The following SLC16A10 variants were observed in gnomAD, a reference collection of about 807,000 sequenced individuals.
The protein encoded by SLC16A10 is solute carrier family 16 member 10.
Under a neutral mutation model 40.0 loss-of-function variants are expected in SLC16A10, and 27 were observed. The observed-to-expected ratio is 0.67, with a 90% CI of 0.50 to 0.93. The LOEUF (loss-of-function observed/expected upper bound fraction) is 0.93, where lower values mean the gene tolerates loss of function less well. SLC16A10 is among the 40% of genes least tolerant of loss of function. SLC16A10 has a pLI of 0.00. For missense variants in SLC16A10, 529 were observed against 658.2 expected, an observed-to-expected ratio of 0.80 and a Z score of 2.15; for synonymous variants, 213 against 249.8, an observed-to-expected ratio of 0.85 and a Z score of 1.39.
chr6:111,115,530 A>G (rs758488736), intron 1 of SLC16A10, among the ~76,000 whole-genome samples: 5 of 152,178 alleles, frequency 3.3e-5, no homozygotes, highest in Non-Finnish European at 5.9e-5. Context: ...TTTAATGGTA[A>G]AGATGTCATG....
At chr6:111,209,293 C>G (rs1773305667) in intron 4 of SLC16A10, among the ~76,000 whole-genome samples, 1 of 152,026 alleles carries the variant, frequency 6.6e-6, no homozygotes, top group Non-Finnish European at 1.5e-5. Context: ...AGAACCAAGG[C>G]AGAGATACTG....
At chr6:111,110,433 G>A (rs1360091212) in intron 1 of SLC16A10, among the ~76,000 whole-genome samples, 1 of 151,612 alleles carries the variant, frequency 6.6e-6, no homozygotes, top group Non-Finnish European at 1.5e-5. Flanking sequence ...AGTTACTAAA[G>A]GTCTAATTGA....
At chr6:111,118,219 GC>G (rs1294215537) in intron 1 of SLC16A10, among the ~76,000 whole-genome samples, 2 of 152,118 alleles carry the variant, frequency 1.3e-5, no homozygotes, top group Non-Finnish European at 2.9e-5. Flanking sequence ...GCCTCATAGG[GC>G]TTCTTGTTGA....
chr6:111,103,545 A>G (rs1771227642), intron 1 of SLC16A10, among the ~76,000 whole-genome samples: 1 of 152,178 alleles, frequency 6.6e-6, no homozygotes, highest in Non-Finnish European at 1.5e-5. Context: ...AGCACAAAAT[A>G]TGTACTGAGA....
intron 3 of SLC16A10, among the ~76,000 whole-genome samples, chr6:111,199,426 T>TGCA (rs1271571366): frequency 1.3e-5 from 2 of 149,396 alleles, no homozygotes; most frequent in Non-Finnish European, 3.0e-5. Context: ...ACCATTGCAT[T>TGCA]CCAGCCTGGG....
rs1771106655 is a variant in SLC16A10, at chr6:111,230,970, A to G, written c.*8735A>G. The G allele has an allele frequency of 6.6e-6, 1 of 152,184 alleles. No homozygotes were observed. The highest frequency in any genetic ancestry group is 2.4e-5 in the African/African-American group (1 of 41,440). 9.4% of individuals were successfully genotyped at this position (152,184 alleles called of 1,614,324 possible). A position where few individuals can be genotyped will look rare whatever the true frequency, so the allele number is the denominator to read the frequency against. ...ATGTAGATCACTATGCTGAATGCTC[A>G]TGCTGGATTTGACCAGTATGCAGTA... On this transcript the variant is annotated 3_prime_UTR_variant, in exon 6 of 6. Coordinates refer to ENST00000368851, the MANE Select transcript of SLC16A10 (RefSeq NM_018593.5).
chr6:111,087,812 C>G lies in SLC16A10; in HGVS notation c.60C>G (p.Leu20=). The change falls in exon 1 of 6, where the codon CTC becomes CTG. Residue 20 remains leucine, a synonymous_variant. Transcript: ENST00000368851. Reference sequence around the variant, plus strand: ...GGGGCACGAGCGAGGCGCAGCCGCTCGGCCCCGCGCCCACGGGGGCCGCTC... The same window carrying G: ...GGGGCACGAGCGAGGCGCAGCCGCTGGGCCCCGCGCCCACGGGGGCCGCTC... ...SARGTSEAQP[L]GPAPTGAAPP... is the part of the protein sequence containing the mutation. 1 of 1,293,168 alleles carries G rather than the reference C, an allele frequency of 7.7e-7. No homozygotes were observed. Among genetic ancestry groups the G allele is most frequent in the Non-Finnish European group, 9.7e-7 (1 of 1,026,292 alleles). The allele number at this position is 1,293,168 out of a possible 1,614,324, so 80.1% of individuals were successfully genotyped here.
intron 3 of SLC16A10, among the ~76,000 whole-genome samples, chr6:111,206,184 C>A (rs1181505209): frequency 6.7e-6 from 1 of 148,876 alleles, no homozygotes; most frequent in Non-Finnish European, 1.5e-5. Flanking sequence ...TCAAGCTATT[C>A]TCCTGCCTCA....
intron 1 of SLC16A10, among the ~76,000 whole-genome samples, chr6:111,102,786 A>G (rs1771211892): frequency 6.6e-6 from 1 of 152,210 alleles, no homozygotes; most frequent in Admixed American, 6.5e-5. Context: ...GAGTAGCCAT[A>G]TCTTAATCTC....
intron 3 of SLC16A10, among the ~76,000 whole-genome samples, chr6:111,202,468 A>ACT (rs758290908): frequency 1.3e-5 from 2 of 151,782 alleles, no homozygotes; most frequent in African/African-American, 2.4e-5. Context: ...ACAGAGTGAA[A>ACT]CTCTGTCTCA....
At position 111,228,156 on chromosome 6, in the gene SLC16A10, G is replaced by A. The variant is rs1771035957; in HGVS notation, c.*5921G>A. The A allele has an allele frequency of 6.6e-6, 1 of 152,186 alleles. No homozygotes were observed. The highest frequency in any genetic ancestry group is 1.5e-5 in the Non-Finnish European group (1 of 68,038). 9.4% of individuals were successfully genotyped at this position (152,186 alleles called of 1,614,324 possible). The stretch of plus-strand genomic sequence containing the variant: ...AATGAACACTTAGAATGCTTCGCCA[G>A]TGGCTTTTCAAGTTACACTGGAAGC... On this transcript the variant is annotated 3_prime_UTR_variant, in exon 6 of 6. Coordinates refer to ENST00000368851, the MANE Select transcript of SLC16A10 (RefSeq NM_018593.5).
chr6:111,185,751 C>T (rs1027848404), intron 3 of SLC16A10, among the ~76,000 whole-genome samples: 1 of 152,066 alleles, frequency 6.6e-6, no homozygotes, highest in African/African-American at 2.4e-5. Context: ...AATACTATTG[C>T]AGGAAAATGG....
intron 1 of SLC16A10, among the ~76,000 whole-genome samples, chr6:111,136,357 G>A (rs1470680716): frequency 1.3e-5 from 2 of 152,198 alleles, no homozygotes; most frequent in Non-Finnish European, 2.9e-5. Context: ...CAAAGGGTTG[G>A]CCTCATTGTT....
chr6:111,211,264 ATGTT>A (rs1334162205), intron 4 of SLC16A10, among the ~76,000 whole-genome samples: 1 of 152,162 alleles, frequency 6.6e-6, no homozygotes, highest in Non-Finnish European at 1.5e-5. Context: ...TTCCAAAACA[ATGTT>A]TGAACGTCCT....
chr6:111,121,001 C>T (rs1771573419), intron 1 of SLC16A10, among the ~76,000 whole-genome samples: 1 of 151,666 alleles, frequency 6.6e-6, no homozygotes, highest in Non-Finnish European at 1.5e-5. Flanking sequence ...ACTTTATTTC[C>T]CTAATAGAAA....
At chr6:111,088,891 A>G (rs1770923568) in intron 1 of SLC16A10, among the ~76,000 whole-genome samples, 1 of 152,160 alleles carries the variant, frequency 6.6e-6, no homozygotes, top group African/African-American at 2.4e-5. Context: ...GACCTTCTGC[A>G]TGACACTTTA....
At chr6:111,202,901 A>C (rs1773194957) in intron 3 of SLC16A10, among the ~76,000 whole-genome samples, 1 of 11,310 alleles carries the variant, frequency 8.8e-5, no homozygotes. Context: ...AAAAAAAAAA[A>C]AAAAAAAAAA....
intron 3 of SLC16A10, among the ~76,000 whole-genome samples, chr6:111,201,039 AT>A (rs1014479622): frequency 3.3e-5 from 5 of 152,082 alleles, no homozygotes; most frequent in Non-Finnish European, 7.4e-5. Context: ...TTATTATCCC[AT>A]TTTTTGATGT....
At chr6:111,172,907 A>T in intron 2 of SLC16A10, 68 bp downstream of exon 2, 2 of 1,543,958 alleles carry the variant, frequency 1.3e-6, no homozygotes, top group South Asian at 2.5e-5. Context: ...TACTTTCAGA[A>T]ACTATGCTAT....
Sources: gnomAD v4.1 joint callset for allele counts (sites outside exome capture counted in the v4.1 genomes callset) on GRCh38, gnomAD v4.1.1 for gene constraint, MANE v1.5 for transcripts, NCBI Gene and HGNC (gene_info 2026-07-23, HGNC 2026-07-21) for gene names.